Variants in TMCC1 observed in about 807,000 individuals in gnomAD.
TMCC1 encodes the protein transmembrane and coiled-coil domain family 1, also known as transmembrane and coiled-coil domains protein 1.
TMCC1 carries 15 observed loss-of-function variants against 52.4 expected under a neutral mutation model. The ratio of observed to expected loss-of-function variants is 0.29; its 90% confidence interval spans 0.19 to 0.44. The LOEUF (loss-of-function observed/expected upper bound fraction) is 0.44. TMCC1 is among the 20% of genes least tolerant of loss of function. The probability of loss-of-function intolerance (pLI) is 1.00; values close to 1 mark genes in which losing one functional copy is unlikely to be tolerated. For missense variants in TMCC1, 503 were observed against 806.0 expected, an observed-to-expected ratio of 0.62 and a Z score of 4.55; for synonymous variants, 279 against 301.9, an observed-to-expected ratio of 0.92 and a Z score of 0.79.
At chr3:129,808,302 G>C (rs2057583815) in intron 4 of TMCC1, among the ~76,000 whole-genome samples, 1 of 152,062 alleles carries the variant, frequency 6.6e-6, no homozygotes. Context: ...GGCCAACATG[G>C]TGAAACCTCG....
intron 4 of TMCC1, among the ~76,000 whole-genome samples, chr3:129,753,452 C>A (rs2052710187): frequency 6.6e-6 from 1 of 152,146 alleles, no homozygotes. Context: ...TGCAAAAAGT[C>A]ATTAGCAAAT....
At chr3:129,726,357 G>A (rs1463343113) in intron 4 of TMCC1, among the ~76,000 whole-genome samples, 1 of 150,912 alleles carries the variant, frequency 6.6e-6, no homozygotes, top group Non-Finnish European at 1.5e-5. Context: ...GATCATCTGT[G>A]TTCTCTAGGC....
At chr3:129,848,598 T>A (rs986547046) in intron 2 of TMCC1, among the ~76,000 whole-genome samples, 18 of 152,206 alleles carry the variant, frequency 1.2e-4, no homozygotes, top group African/African-American at 4.3e-4. Flanking sequence ...ATCCTGCCAA[T>A]CTAACTCTGA....
chr3:129,659,070 A>G (rs1261933650), intron 5 of TMCC1, among the ~76,000 whole-genome samples: 1 of 150,664 alleles, frequency 6.6e-6, no homozygotes, highest in African/African-American at 2.4e-5. Context: ...TAGTCAGGGA[A>G]CCTGTTTTCC....
chr3:129,654,357 T>A (rs2086541010), intron 6 of TMCC1, among the ~76,000 whole-genome samples: 1 of 152,210 alleles, frequency 6.6e-6, no homozygotes, highest in African/African-American at 2.4e-5. Flanking sequence ...CTTGATTCTT[T>A]TAGGCTGTTG....
intron 4 of TMCC1, among the ~76,000 whole-genome samples, chr3:129,823,258 G>A (rs1021522033): frequency 1.3e-5 from 2 of 151,992 alleles, no homozygotes; most frequent in South Asian, 2.1e-4. Flanking sequence ...CCCAGGAGGT[G>A]GAGGTTGAAG....
At chr3:129,768,816 T>C (rs1188472038) in intron 4 of TMCC1, among the ~76,000 whole-genome samples, 1 of 152,244 alleles carries the variant, frequency 6.6e-6, no homozygotes, top group Non-Finnish European at 1.5e-5. Flanking sequence ...CTAGAAACTA[T>C]GATTTTTCTA....
At chr3:129,820,409 G>T (rs991974341) in intron 4 of TMCC1, among the ~76,000 whole-genome samples, 14 of 151,914 alleles carry the variant, frequency 9.2e-5, no homozygotes, top group Admixed American at 7.2e-4. Flanking sequence ...AGGATTATTA[G>T]TCTGGAGAAG....
At chr3:129,720,559 T>G (rs2049492719) in intron 4 of TMCC1, among the ~76,000 whole-genome samples, 1 of 152,172 alleles carries the variant, frequency 6.6e-6, no homozygotes, top group African/African-American at 2.4e-5. Context: ...GAGGCCATCT[T>G]AGACCATCTA....
intron 4 of TMCC1, among the ~76,000 whole-genome samples, chr3:129,710,542 T>A (rs1359268727): frequency 5.9e-5 from 9 of 152,182 alleles, no homozygotes; most frequent in Admixed American, 5.9e-4. Context: ...AGTGAGAAGT[T>A]AAGCTAAATC....
At chr3:129,852,079 G>C (rs1007443087) in intron 2 of TMCC1, among the ~76,000 whole-genome samples, 4 of 152,160 alleles carry the variant, frequency 2.6e-5, no homozygotes, top group Admixed American at 1.3e-4. Context: ...TTTGAACCTG[G>C]AAAGTCAAGG....
chr3:129,697,903 A>G (rs1220127083), intron 4 of TMCC1, among the ~76,000 whole-genome samples: 1 of 152,158 alleles, frequency 6.6e-6, no homozygotes, highest in African/African-American at 2.4e-5. Flanking sequence ...CCATTCAACA[A>G]GACTCTAGGA....
intron 4 of TMCC1, among the ~76,000 whole-genome samples, chr3:129,766,653 C>A (rs1222813565): frequency 6.6e-6 from 1 of 152,044 alleles, no homozygotes; most frequent in Admixed American, 6.6e-5. Context: ...CAGGGCCTCA[C>A]TCTATCGCCC....
intron 4 of TMCC1, among the ~76,000 whole-genome samples, chr3:129,803,014 A>G (rs560886520): frequency 6.6e-6 from 1 of 152,374 alleles, no homozygotes; most frequent in African/African-American, 2.4e-5. Context: ...GGCAAAAGAC[A>G]TAAGGGCAAG....
At chr3:129,713,114 T>C (rs956874244) in intron 4 of TMCC1, among the ~76,000 whole-genome samples, 3 of 151,814 alleles carry the variant, frequency 2.0e-5, no homozygotes, top group African/African-American at 7.3e-5. Context: ...ATAAAAAAAA[T>C]TGCTAGTTGT....
At chr3:129,798,759 A>AT (rs1416225146) in intron 4 of TMCC1, among the ~76,000 whole-genome samples, 4 of 152,226 alleles carry the variant, frequency 2.6e-5, no homozygotes, top group Non-Finnish European at 5.9e-5. Context: ...GGAATAGCTC[A>AT]TTAACAAATA....
intron 4 of TMCC1, among the ~76,000 whole-genome samples, chr3:129,701,364 A>AG (rs2047817940): frequency 6.6e-6 from 1 of 152,222 alleles, no homozygotes; most frequent in African/African-American, 2.4e-5. Flanking sequence ...CACTTCAGCT[A>AG]GAAAGTCCCT....
chr3:129,764,961 C>T (rs1285868668), intron 4 of TMCC1, among the ~76,000 whole-genome samples: 3 of 150,278 alleles, frequency 2.0e-5, no homozygotes, highest in African/African-American at 7.3e-5. Flanking sequence ...GCCACCATAC[C>T]CAGCTAATTT....
intron 1 of TMCC1, among the ~76,000 whole-genome samples, chr3:129,888,306 A>T (rs1283823890): frequency 2.0e-5 from 3 of 152,242 alleles, no homozygotes; most frequent in Admixed American, 6.5e-5. Context: ...ACAGTTACAT[A>T]TAGAAACATA....
Sources: allele counts gnomAD v4.1 joint callset (sites outside exome capture counted in the v4.1 genomes callset), GRCh38; gene constraint gnomAD v4.1.1; transcripts MANE v1.5; gene names NCBI Gene and HGNC (gene_info 2026-07-23, HGNC 2026-07-21).